The following NCAM2 variants were observed in gnomAD, a reference collection of about 807,000 sequenced individuals.
NCAM2 encodes the protein N-CAM-2.
In NCAM2, 30 loss-of-function variants were observed where a neutral mutation model predicts 98.1. The observed-to-expected ratio is 0.31, with a 90% CI of 0.23 to 0.41. NCAM2 has a LOEUF of 0.41. Ranked by LOEUF, NCAM2 falls within the 10% of genes least tolerant of loss-of-function variation. The probability of loss-of-function intolerance (pLI) is 1.00; values close to 1 mark genes in which losing one functional copy is unlikely to be tolerated. For synonymous variants in NCAM2, 368 were observed against 342.4 expected (o/e 1.07, Z -0.83); for missense variants, 867 against 1,005.8 (o/e 0.86, Z 1.87).
chr21:21,188,547 A>G (rs143666611), intron 1 of NCAM2, among the ~76,000 whole-genome samples: 1 of 152,322 alleles, frequency 6.6e-6, no homozygotes, highest in Non-Finnish European at 1.5e-5. Flanking sequence ...CTTATTAAAC[A>G]TAATGCAGGA....
intron 12 of NCAM2, among the ~76,000 whole-genome samples, chr21:21,459,881 G>A (rs1237336145): frequency 6.6e-6 from 1 of 151,748 alleles, no homozygotes; most frequent in Non-Finnish European, 1.5e-5. Context: ...AATAAGAAAT[G>A]TAACTATAGT....
chr21:21,353,172 T>C (rs763310099), intron 8 of NCAM2, among the ~76,000 whole-genome samples: 30 of 152,116 alleles, frequency 2.0e-4, no homozygotes, highest in Non-Finnish European at 2.6e-4. Context: ...TAAAGAAAAA[T>C]GAATATGTTA....
At chr21:21,342,113 A>G (rs1429129883) in intron 8 of NCAM2, among the ~76,000 whole-genome samples, 1 of 152,192 alleles carries the variant, frequency 6.6e-6, no homozygotes, top group East Asian at 1.9e-4. Context: ...CCCATGGAAT[A>G]AATGATTAAG....
chr21:21,229,348 A>T (rs2147175323), intron 1 of NCAM2, among the ~76,000 whole-genome samples: 1 of 151,674 alleles, frequency 6.6e-6, no homozygotes, highest in Non-Finnish European at 1.5e-5. Flanking sequence ...GTTCATGTCA[A>T]AATTATATTC....
chr21:21,395,450 G>A (rs1348186014), intron 9 of NCAM2, among the ~76,000 whole-genome samples: 1 of 152,226 alleles, frequency 6.6e-6, no homozygotes, highest in East Asian at 1.9e-4. Context: ...ACTGCCAAAA[G>A]CAGTCTACAA....
chr21:21,114,467 C>A (rs929991326), intron 1 of NCAM2, among the ~76,000 whole-genome samples: 1 of 152,152 alleles, frequency 6.6e-6, no homozygotes, highest in Admixed American at 6.5e-5. Context: ...AATAGACCTC[C>A]TGGGATATAC....
chr21:21,361,593 G>C (rs898878717), intron 8 of NCAM2, among the ~76,000 whole-genome samples: 3 of 151,944 alleles, frequency 2.0e-5, no homozygotes, highest in Non-Finnish European at 4.4e-5. Flanking sequence ...TGAGTCCTTG[G>C]TGATTTCATC....
intron 1 of NCAM2, among the ~76,000 whole-genome samples, chr21:21,048,184 C>T (rs1037385548): frequency 2.6e-5 from 4 of 152,184 alleles, no homozygotes; most frequent in Non-Finnish European, 4.4e-5. Flanking sequence ...AGAGCTTCCT[C>T]TGTACAATAA....
intron 1 of NCAM2, among the ~76,000 whole-genome samples, chr21:21,194,834 A>G (rs1292407271): frequency 6.6e-6 from 1 of 152,204 alleles, no homozygotes; most frequent in Admixed American, 6.5e-5. Flanking sequence ...ATCACCACTC[A>G]TGTTGTACAT....
intron 15 of NCAM2, among the ~76,000 whole-genome samples, chr21:21,490,573 T>C (rs1986764739): frequency 1.3e-5 from 2 of 151,936 alleles, no homozygotes. Flanking sequence ...TTTTTATTTT[T>C]ATTCTATGTA....
chr21:21,226,105 A>G (rs373894492), intron 1 of NCAM2, among the ~76,000 whole-genome samples: 2 of 152,080 alleles, frequency 1.3e-5, no homozygotes, highest in African/African-American at 2.4e-5. Flanking sequence ...GATATAAACA[A>G]TGAGCACACA....
intron 12 of NCAM2, among the ~76,000 whole-genome samples, chr21:21,455,232 A>AT (rs1981959540): frequency 6.8e-6 from 1 of 147,386 alleles, no homozygotes; most frequent in African/African-American, 2.5e-5. Context: ...AAAAAAAAAA[A>AT]GTTTAATTTG....
chr21:21,344,214 C>T (rs530479664), intron 8 of NCAM2, among the ~76,000 whole-genome samples: 1 of 152,196 alleles, frequency 6.6e-6, no homozygotes, highest in South Asian at 2.1e-4. Context: ...ACTAAAGAGC[C>T]CTTGGGCCCT....
chr21:21,256,045 G>A (rs1346153862), intron 1 of NCAM2, among the ~76,000 whole-genome samples: 2 of 152,150 alleles, frequency 1.3e-5, no homozygotes, highest in African/African-American at 2.4e-5. Flanking sequence ...AGGTAGATTA[G>A]AATGGAGATA....
At chr21:21,415,526 A>G (rs2076976172) in intron 10 of NCAM2, among the ~76,000 whole-genome samples, 1 of 151,384 alleles carries the variant, frequency 6.6e-6, no homozygotes, top group Admixed American at 6.6e-5. Context: ...TAGTAGAGAC[A>G]GGGTTTCACC....
intron 15 of NCAM2, among the ~76,000 whole-genome samples, chr21:21,491,043 T>C (rs1181711543): frequency 6.6e-6 from 1 of 151,894 alleles, no homozygotes; most frequent in Non-Finnish European, 1.5e-5. Flanking sequence ...TGTTGTCATA[T>C]CTAACTTGAT....
At chr21:21,501,310 T>G (rs953144457) in intron 15 of NCAM2, among the ~76,000 whole-genome samples, 1 of 151,974 alleles carries the variant, frequency 6.6e-6, no homozygotes, top group East Asian at 1.9e-4. Flanking sequence ...CTATGTATTA[T>G]CTCAGAATGT....
chr21:21,181,311 ATC>A (rs958640214), intron 1 of NCAM2, among the ~76,000 whole-genome samples: 1 of 152,088 alleles, frequency 6.6e-6, no homozygotes, highest in Non-Finnish European at 1.5e-5. Context: ...AGGTAGTTAA[ATC>A]TGTCTCTTTA....
chr21:21,144,124 C>T (rs560037921), intron 1 of NCAM2, among the ~76,000 whole-genome samples: 11 of 151,948 alleles, frequency 7.2e-5, no homozygotes, highest in African/African-American at 2.2e-4. Context: ...CCGAGGTGGG[C>T]GGATCATGAG....
Sources: allele counts gnomAD v4.1 joint callset (sites outside exome capture counted in the v4.1 genomes callset), GRCh38; gene constraint gnomAD v4.1.1; transcripts MANE v1.5; gene names NCBI Gene and HGNC (gene_info 2026-07-23, HGNC 2026-07-21).